PPP2R5C: variants seen among roughly 807,000 people sequenced by gnomAD.
PPP2R5C encodes protein phosphatase 2 regulatory subunit B'gamma, also known as serine/threonine-protein phosphatase 2A 56 kDa regulatory subunit gamma isoform.
In PPP2R5C, 7 loss-of-function variants were observed where a neutral mutation model predicts 68.9. The observed-to-expected ratio is 0.10, with a 90% CI of 0.06 to 0.19. The LOEUF is 0.19. Among genes scored for constraint, PPP2R5C ranks in the 10% least tolerant of loss-of-function variants. The pLI is 1.00. For missense variants in PPP2R5C, 348 were observed against 641.3 expected (o/e 0.54, Z 4.94); for synonymous variants, 210 against 222.2 (o/e 0.95, Z 0.49).
At chr14:101,798,374 A>C (rs1376669561) in intron 3 of PPP2R5C, among the ~76,000 whole-genome samples, 1 of 152,350 alleles carries the variant, frequency 6.6e-6, no homozygotes, top group East Asian at 1.9e-4. Flanking sequence ...TTTTAATCAG[A>C]AATACTACCT....
At position 101,906,159 on chromosome 14, in the gene PPP2R5C, G is replaced by A. The variant is rs932001288; in HGVS notation, c.1024-243G>A. Among the ~76,000 whole-genome samples, 2 of 152,182 alleles carry A rather than the reference G, an allele frequency of 1.3e-5. No individual in the cohort carries two copies. The highest frequency in any genetic ancestry group is 1.9e-4 in the East Asian group (1 of 5,202). On this transcript the variant is annotated intron_variant, in intron 9 of 13. Transcript: ENST00000334743. The surrounding 1 kb of genome is among the most constrained non-coding windows in gnomAD (Gnocchi z 4.0). Reference sequence around the variant, plus strand: ...GCCAGCATCTAGCATAAATGTTTACGGAATAAGTAGAGAAATAGGTGACAA... The same window carrying A: ...GCCAGCATCTAGCATAAATGTTTACAGAATAAGTAGAGAAATAGGTGACAA...
At chr14:101,784,941 GA>G (rs2038020920) in intron 2 of PPP2R5C, among the ~76,000 whole-genome samples, 1 of 151,934 alleles carries the variant, frequency 6.6e-6, no homozygotes, top group South Asian at 2.1e-4. Context: ...CCCCCTTGGT[GA>G]GCTCCTTTGG....
At chr14:101,812,088 T>C (rs1056273323) in intron 1 of PPP2R5C, among the ~76,000 whole-genome samples, 43 of 152,224 alleles carry the variant, frequency 2.8e-4, no homozygotes, top group Non-Finnish European at 5.1e-4. Context: ...GAACGCTTGA[T>C]TTACTCATAA....
upstream of PPP2R5C, among the ~76,000 whole-genome samples, chr14:101,805,145 G>A (rs2039025014): frequency 6.6e-6 from 1 of 152,170 alleles, no homozygotes; most frequent in Non-Finnish European, 1.5e-5. Flanking sequence ...CCAGGCTGGA[G>A]TGCAGTGATG....
chr14:101,834,976 G>A (rs1420789449), intron 1 of PPP2R5C, among the ~76,000 whole-genome samples: 1 of 152,212 alleles, frequency 6.6e-6, no homozygotes, highest in Non-Finnish European at 1.5e-5. Flanking sequence ...GCAGGGTCAA[G>A]CCTACTTGCC....
At chr14:101,771,861 A>G (rs971374738) in intron 2 of PPP2R5C, among the ~76,000 whole-genome samples, 1 of 152,086 alleles carries the variant, frequency 6.6e-6, no homozygotes, top group Non-Finnish European at 1.5e-5. Flanking sequence ...AAGGGGTTAG[A>G]CCTGCCCTGG....
intron 3 of PPP2R5C, among the ~76,000 whole-genome samples, chr14:101,799,845 C>T (rs2038783852): frequency 6.6e-6 from 1 of 152,160 alleles, no homozygotes; most frequent in South Asian, 2.1e-4. Flanking sequence ...ATCCAGATTT[C>T]CTTGGTTCAG....
At chr14:101,837,749 T>C (rs1211978057) in intron 1 of PPP2R5C, among the ~76,000 whole-genome samples, 2 of 152,202 alleles carry the variant, frequency 1.3e-5, no homozygotes, top group African/African-American at 4.8e-5. Context: ...GAATAAGAGC[T>C]AATAATCCTA....
intron 2 of PPP2R5C, among the ~76,000 whole-genome samples, chr14:101,881,645 C>T (rs937812027): frequency 1.3e-5 from 2 of 152,228 alleles, no homozygotes; most frequent in Admixed American, 1.3e-4. Flanking sequence ...ACTCAAAGGT[C>T]GTCCCACTCT....
In PPP2R5C at chr14:101,917,814, C is replaced by T. The variant is rs769015727; in HGVS notation, c.1327-17C>T. 2 of 1,613,116 alleles carry T rather than the reference C, an allele frequency of 1.2e-6. No individual in the cohort carries two copies. The highest frequency in any genetic ancestry group is 3.3e-5 in the Admixed American group (2 of 59,974). On this transcript the variant is annotated splice_polypyrimidine_tract_variant and intron_variant, in intron 12 of 13. Coordinates refer to ENST00000334743, the Ensembl canonical transcript of PPP2R5C. The surrounding 1 kb of genome is among the most constrained non-coding windows in gnomAD (Gnocchi z 4.4). ...GCCTGGGCACCTAACAGAGCGACTC[C>T]ACGCTTTGCATTGCAGTACACAGTG...
At position 101,781,550 on chromosome 14, in the gene PPP2R5C, C is replaced by T. The variant is rs920810490; in HGVS notation, c.94-4468C>T. On this transcript the variant is annotated intron_variant, in intron 2 of 14. Transcript: ENST00000328724. This position sits in a 1 kb window ranked among gnomAD's most constrained non-coding sequence, Gnocchi z 6.4. ...CGCCTTCCTGGGCGCCTGACGCACC[C>T]CTCTGCCCCAACCACGTTTTCTCAA... Among the ~76,000 whole-genome samples the T allele has an allele frequency of 6.6e-6, 1 of 152,032 alleles. No homozygotes were observed. The highest frequency in any genetic ancestry group is 1.5e-5 in the Non-Finnish European group (1 of 67,950).
chr14:101,804,493 A>G (rs2038996228), intron 3 of PPP2R5C, among the ~76,000 whole-genome samples: 1 of 148,816 alleles, frequency 6.7e-6, no homozygotes. Context: ...CAGATGAATG[A>G]ATAAAAAATA....
intron 13 of PPP2R5C, among the ~76,000 whole-genome samples, chr14:101,920,622 A>C (rs2141193660): frequency 6.6e-6 from 1 of 152,360 alleles, no homozygotes; most frequent in Middle Eastern, 3.4e-3. Flanking sequence ...TTAGAATCTC[A>C]GCAGGCTTTT....
intron 2 of PPP2R5C, among the ~76,000 whole-genome samples, chr14:101,857,158 A>C (rs2042468218): frequency 1.3e-5 from 2 of 152,264 alleles, no homozygotes. Flanking sequence ...TAGAAGTGTT[A>C]GAATTTGTAT....
chr14:101,790,818 C>T (rs1354368009), intron 3 of PPP2R5C, among the ~76,000 whole-genome samples: 2 of 152,212 alleles, frequency 1.3e-5, no homozygotes, highest in Non-Finnish European at 2.9e-5. Flanking sequence ...CCGTGGCTCA[C>T]GCCTGTAATC....
chr14:101,842,757 CT>C (rs60913362), intron 1 of PPP2R5C, among the ~76,000 whole-genome samples: 2,307 of 137,820 alleles, frequency 0.017, 61 homozygotes, highest in African/African-American at 0.057. Flanking sequence ...TGTCTTTTTT[CT>C]TTTTTTTTTT....
chr14:101,823,108 AC>A (rs1317984230), intron 1 of PPP2R5C, among the ~76,000 whole-genome samples: 1 of 152,238 alleles, frequency 6.6e-6, no homozygotes, highest in Non-Finnish European at 1.5e-5. Flanking sequence ...GATTTTGAAC[AC>A]TACTTGACAT....
At chr14:101,837,213 G>C (rs754609248) in intron 1 of PPP2R5C, among the ~76,000 whole-genome samples, 2 of 152,052 alleles carry the variant, frequency 1.3e-5, no homozygotes, top group Admixed American at 1.3e-4. Flanking sequence ...GTGCGATCTC[G>C]GCTCACCGCA....
upstream of PPP2R5C, among the ~76,000 whole-genome samples, chr14:101,805,191 G>T (rs1201604961): frequency 6.6e-6 from 1 of 152,100 alleles, no homozygotes; most frequent in African/African-American, 2.4e-5. Context: ...TCGGCCTCCT[G>T]AGTAGCTGGG....
Sources: allele counts gnomAD v4.1 joint callset (sites outside exome capture counted in the v4.1 genomes callset), GRCh38; gene constraint gnomAD v4.1.1; non-coding constraint Gnocchi (gnomAD v3.1); transcripts MANE v1.5; gene names NCBI Gene and HGNC (gene_info 2026-07-23, HGNC 2026-07-21).